Variants in RPS6KA2 observed in about 807,000 individuals in gnomAD.
RPS6KA2 encodes ribosomal protein S6 kinase alpha-2.
Under a neutral mutation model 91.8 loss-of-function variants are expected in RPS6KA2, and 42 were observed. The ratio of observed to expected loss-of-function variants is 0.46; its 90% CI spans 0.36 to 0.59. The LOEUF is 0.59. Ranked by LOEUF, RPS6KA2 falls within the 20% of genes least tolerant of loss-of-function variation. The probability of loss-of-function intolerance (pLI) is 0.00; values close to 1 mark genes in which losing one functional copy is unlikely to be tolerated. For missense variants in RPS6KA2, 798 were observed against 978.5 expected, an observed-to-expected ratio of 0.82 and a Z score of 2.46; for synonymous variants, 414 against 393.6, an observed-to-expected ratio of 1.05 and a Z score of -0.61.
intron 1 of RPS6KA2, among the ~76,000 whole-genome samples, chr6:166,590,883 C>T (rs960479785): frequency 1.2e-4 from 18 of 152,224 alleles, no homozygotes; most frequent in East Asian, 3.9e-4. Context: ...TAGAGTAAGG[C>T]CTTGCTGGAT....
At chr6:166,701,286 C>A (rs1789510985) in intron 2 of RPS6KA2, 1 of 1,611,848 alleles carries the variant, frequency 6.2e-7, no homozygotes, top group Non-Finnish European at 8.5e-7. Flanking sequence ...CTGCACTTGA[C>A]AAATTCTGAA....
At chr6:166,611,682 C>T (rs1786182736) in intron 1 of RPS6KA2, among the ~76,000 whole-genome samples, 1 of 152,206 alleles carries the variant, frequency 6.6e-6, no homozygotes, top group Non-Finnish European at 1.5e-5. Flanking sequence ...ATCAGGGCTC[C>T]AATCTCATTT....
intron 1 of RPS6KA2, among the ~76,000 whole-genome samples, chr6:166,539,136 T>C (rs906617122): frequency 3.9e-5 from 6 of 152,120 alleles, no homozygotes; most frequent in Non-Finnish European, 8.8e-5. Context: ...GCCAGGATGG[T>C]CTCGATCTCC....
chr6:166,553,688 G>A (rs1018484510), intron 1 of RPS6KA2, among the ~76,000 whole-genome samples: 5 of 151,852 alleles, frequency 3.3e-5, no homozygotes, highest in African/African-American at 7.3e-5. Flanking sequence ...TCACACGTGC[G>A]GCTCATCCCA....
chr6:166,495,019 G>A lies in RPS6KA2; in HGVS notation c.747+3489C>T, dbSNP rs2128475494. ...CACTTCTGATGCCACCCACGGACGT[G>A]TGGGAAGCGTGGGGCCTCCACAGTC... On this transcript the variant is annotated intron_variant, in intron 8 of 20. Coordinates refer to ENST00000265678, the MANE Select transcript of RPS6KA2 (RefSeq NM_021135.6). The surrounding 1 kb of genome is among the most constrained non-coding windows in gnomAD (Gnocchi z 4.4). 6.6e-6 allele frequency among the ~76,000 whole-genome samples: 1 copy of A among 152,366 alleles called. No homozygotes were observed. Among genetic ancestry groups the A allele is most frequent in the African/African-American group, 2.4e-5 (1 of 41,578 alleles).
At chr6:166,531,054 T>C (rs1187662132) in intron 3 of RPS6KA2, among the ~76,000 whole-genome samples, 178 bp downstream of exon 3, 1 of 152,244 alleles carries the variant, frequency 6.6e-6, no homozygotes, top group Non-Finnish European at 1.5e-5. Flanking sequence ...TCTGCAGGGA[T>C]ATTTTAAATA....
At chr6:166,509,233 G>A (rs1043153954) in intron 4 of RPS6KA2, 1 of 166,786 alleles carries the variant, frequency 6.0e-6, no homozygotes. Flanking sequence ...TGGAGGTGCT[G>A]GGTCACCACT....
At chr6:166,453,440 C>T (rs1274684914) in intron 12 of RPS6KA2, among the ~76,000 whole-genome samples, 1 of 152,184 alleles carries the variant, frequency 6.6e-6, no homozygotes, top group African/African-American at 2.4e-5. Flanking sequence ...CAAAAGAAGA[C>T]ATACAGATGG....
At position 166,480,479 on chromosome 6, in the gene RPS6KA2, T is replaced by TTATATATATATA. The variant is rs3066214; in HGVS notation, c.907+8342_907+8353dup. Reference sequence around the variant, plus strand: ...TCTTATATTCCTTAAGATTGTGATTTTATATATATATATATATATATATAT... The same window carrying TTATATATATATA: ...TCTTATATTCCTTAAGATTGTGATTTTATATATATATATATATATATATATATATATATATAT... On this transcript the variant is annotated intron_variant, in intron 10 of 20. Coordinates refer to ENST00000265678, the MANE Select transcript of RPS6KA2 (RefSeq NM_021135.6). Among the ~76,000 whole-genome samples the TTATATATATATA allele has an allele frequency of 2.5e-3, 250 of 99,802 alleles. 5 individuals carry two copies. The highest frequency in any genetic ancestry group is 6.2e-3 in the African/African-American group (130 of 20,946). The allele number at this position is 99,802 out of a possible 152,430, so 65.5% of individuals were successfully genotyped here.
At chr6:166,505,707 C>T (rs947918622) in intron 5 of RPS6KA2, among the ~76,000 whole-genome samples, 4 of 152,258 alleles carry the variant, frequency 2.6e-5, no homozygotes, top group Non-Finnish European at 5.9e-5. Flanking sequence ...GACACGCAGG[C>T]TCTGCATCCT....
chr6:166,413,821 G>A lies in RPS6KA2; in HGVS notation c.2049C>T (p.Leu683=). Residue 683 remains leucine (L), a synonymous_variant, in exon 20 of 21, where the codon CTC becomes CTT. Transcript: ENST00000265678. ...TCACCAGGTGCACGTCCTGTCGGCT[G>A]AGCTGGTTTGGGGACAGGTACTCTC... is the stretch of plus-strand genomic sequence containing the variant. ...VNREYLSPNQ[L]SRQDVHLVKG... 6.2e-7 allele frequency: 1 copy of A among 1,614,216 alleles called. No homozygotes were observed. The highest frequency in any genetic ancestry group is 8.5e-7 in the Non-Finnish European group (1 of 1,180,028).
chr6:166,558,933 T>C (rs989169611), intron 1 of RPS6KA2, among the ~76,000 whole-genome samples: 3 of 152,338 alleles, frequency 2.0e-5, no homozygotes, highest in South Asian at 2.1e-4. Flanking sequence ...TGAAAGATTA[T>C]ATTGGAGTTT....
intron 2 of RPS6KA2, chr6:166,702,197 A>G (rs1789544952): frequency 2.5e-6 from 4 of 1,607,176 alleles, no homozygotes; most frequent in Non-Finnish European, 3.4e-6. Flanking sequence ...TTCTTTTCCT[A>G]TAATGGCTCC....
At chr6:166,436,050 A>G (rs1240323128) in intron 14 of RPS6KA2, among the ~76,000 whole-genome samples, 6 of 152,224 alleles carry the variant, frequency 3.9e-5, no homozygotes, top group Admixed American at 3.9e-4. Context: ...TTAAGATTCA[A>G]CAAATTAATA....
At chr6:166,838,953 G>A (rs894027056) in intron 2 of RPS6KA2, among the ~76,000 whole-genome samples, 16 of 152,218 alleles carry the variant, frequency 1.1e-4, no homozygotes, top group African/African-American at 3.9e-4. Context: ...GGATGGATGG[G>A]AGTGAGGCCG....
At chr6:166,762,395 T>C (rs1051641273) in intron 2 of RPS6KA2, among the ~76,000 whole-genome samples, 2 of 152,042 alleles carry the variant, frequency 1.3e-5, no homozygotes, top group East Asian at 3.9e-4. Flanking sequence ...TGCGCATATG[T>C]GTGTGTGTGT....
intron 2 of RPS6KA2, among the ~76,000 whole-genome samples, chr6:166,646,609 C>T (rs1787610518): frequency 6.6e-6 from 1 of 152,256 alleles, no homozygotes; most frequent in Non-Finnish European, 1.5e-5. Flanking sequence ...GGGTCACCCG[C>T]GTCCCAGCCT....
chr6:166,432,548 C>G, intron 14 of RPS6KA2, 58 bp from the exon 15 acceptor site: 2 of 1,063,922 alleles, frequency 1.9e-6, no homozygotes, highest in Non-Finnish European at 2.9e-6. Context: ...CGGGTGGTAT[C>G]TGCTGGTGGA....
At chr6:166,697,601 G>A (rs144323952) in intron 2 of RPS6KA2, among the ~76,000 whole-genome samples, 39 of 152,338 alleles carry the variant, frequency 2.6e-4, no homozygotes, top group Non-Finnish European at 4.3e-4. Flanking sequence ...ATGGTAGAGC[G>A]AGAAGATGGA....
Sources: allele counts gnomAD v4.1 joint callset (sites outside exome capture counted in the v4.1 genomes callset), GRCh38; gene constraint gnomAD v4.1.1; non-coding constraint Gnocchi (gnomAD v3.1); transcripts MANE v1.5; gene names NCBI Gene and HGNC (gene_info 2026-07-23, HGNC 2026-07-21).